Variants in RTN4IP1 observed in about 807,000 individuals in gnomAD.
RTN4IP1 encodes the protein reticulon 4 interacting protein 1.
In RTN4IP1, 32 loss-of-function variants were observed where a neutral mutation model predicts 46.6. That is an observed-to-expected ratio of 0.69 (90% CI 0.52 to 0.92). The LOEUF is 0.92. Ranked by LOEUF, RTN4IP1 falls within the 40% of genes least tolerant of loss-of-function variation. The pLI, the probability that RTN4IP1 is intolerant of heterozygous loss-of-function variation, is 0.00. For synonymous variants in RTN4IP1, 167 were observed against 161.8 expected (o/e 1.03, Z -0.24); for missense variants, 424 against 485.8 (o/e 0.87, Z 1.20).
At chr6:106,593,726 A>G (rs1264243351) in intron 5 of RTN4IP1, among the ~76,000 whole-genome samples, 2 of 152,248 alleles carry the variant, frequency 1.3e-5, no homozygotes, top group African/African-American at 4.8e-5. Flanking sequence ...TTAAAAAGCA[A>G]CATTGACCAA....
chr6:106,619,985 C>T (rs1179843237), intron 3 of RTN4IP1, among the ~76,000 whole-genome samples: 1 of 152,104 alleles, frequency 6.6e-6, no homozygotes, highest in Non-Finnish European at 1.5e-5. Context: ...ATAACATATT[C>T]TAGCTTCCCT....
At chr6:106,615,041 C>T (rs958193706) in intron 4 of RTN4IP1, among the ~76,000 whole-genome samples, 7 of 150,868 alleles carry the variant, frequency 4.6e-5, no homozygotes, top group Admixed American at 1.3e-4. Context: ...GCCAGAGCCT[C>T]CACTCTCACT....
intron 4 of RTN4IP1, among the ~76,000 whole-genome samples, chr6:106,604,871 T>A (rs756068572): frequency 2.6e-5 from 4 of 152,186 alleles, no homozygotes; most frequent in African/African-American, 4.8e-5. Context: ...CCTTATTACC[T>A]GCCCAGGTCT....
At chr6:106,629,973 C>T (rs1211716135), upstream of RTN4IP1, among the ~76,000 whole-genome samples, 1 of 151,856 alleles carries the variant, frequency 6.6e-6, no homozygotes, top group African/African-American at 2.4e-5. Context: ...TGGTGTAGGT[C>T]GGGATCCGGA....
intron 8 of RTN4IP1, among the ~76,000 whole-genome samples, chr6:106,581,512 C>G (rs2114626768): frequency 6.6e-6 from 1 of 152,290 alleles, no homozygotes; most frequent in South Asian, 2.1e-4. Context: ...GAGAGCTGGC[C>G]TCATCAAGGC....
chr6:106,585,161 A>C (rs1303924716), intron 7 of RTN4IP1, among the ~76,000 whole-genome samples: 1 of 152,220 alleles, frequency 6.6e-6, no homozygotes, highest in African/African-American at 2.4e-5. Context: ...GTTGAGATGC[A>C]CTGGTTTATG....
chr6:106,621,314 A>T, intron 3 of RTN4IP1, 111 bp downstream of exon 3: 1 of 781,952 alleles, frequency 1.3e-6, no homozygotes, highest in Non-Finnish European at 2.2e-6. Flanking sequence ...TTATCTTTTT[A>T]TAAACTGCCC....
chr6:106,613,321 A>C (rs1776275125), intron 4 of RTN4IP1, among the ~76,000 whole-genome samples: 1 of 152,140 alleles, frequency 6.6e-6, no homozygotes, highest in African/African-American at 2.4e-5. Context: ...AAGTCAACTC[A>C]CCTAAGCCAC....
At chr6:106,572,234 AG>A in intron 8 of RTN4IP1, 131 bp from the exon 9 acceptor site, 1 of 716,552 alleles carries the variant, frequency 1.4e-6, no homozygotes, top group Non-Finnish European at 2.4e-6. Context: ...CAGTGGACCC[AG>A]GTCAGGCTCT....
rs1776740560 is a variant in RTN4IP1 at position 106,629,160 on chromosome 6, T to C, written c.-139A>G. The C allele has an allele frequency of 1.4e-6, 1 of 732,358 alleles. No individual in the cohort carries two copies. The highest frequency in any genetic ancestry group is 2.2e-6 in the Non-Finnish European group (1 of 449,802). 45.4% of individuals were successfully genotyped at this position (732,358 alleles called of 1,614,324 possible). A position where few individuals can be genotyped will look rare whatever the true frequency, so the allele number is the denominator to read the frequency against. On this transcript the variant is annotated 5_prime_UTR_variant, in exon 1 of 9. Transcript: ENST00000369063. The stretch of plus-strand genomic sequence containing the variant: ...GCATGCAAAACGGAGCATTCGAAAA[T>C]GAAGCTAATCTAATGGAGAAACTGA...
chr6:106,616,697 C>T (rs1048833892), intron 4 of RTN4IP1, among the ~76,000 whole-genome samples: 4 of 152,130 alleles, frequency 2.6e-5, no homozygotes, highest in Non-Finnish European at 2.9e-5. Flanking sequence ...AGTTTAGGTA[C>T]AATAAAATCT....
chr6:106,630,471 T>C (rs544812194), upstream of RTN4IP1, among the ~76,000 whole-genome samples: 4 of 152,372 alleles, frequency 2.6e-5, no homozygotes, highest in Admixed American at 2.0e-4. Context: ...TCATTCTATC[T>C]TGCAGATATG....
chr6:106,619,769 G>A (rs1337098951), intron 3 of RTN4IP1, among the ~76,000 whole-genome samples: 7 of 149,210 alleles, frequency 4.7e-5, no homozygotes, highest in Non-Finnish European at 7.4e-5. Flanking sequence ...CCGCCACTGC[G>A]CCCAGCTAAT....
intron 7 of RTN4IP1, 115 bp from the exon 8 acceptor site, chr6:106,583,535 T>C: frequency 1.3e-6 from 1 of 789,372 alleles, no homozygotes; most frequent in Non-Finnish European, 2.1e-6. Flanking sequence ...TCTCATTTCA[T>C]GCTGACAAAA....
chr6:106,587,596 A>G, intron 7 of RTN4IP1, 83 bp downstream of exon 7: 1 of 1,312,956 alleles, frequency 7.6e-7, no homozygotes, highest in South Asian at 1.4e-5. Flanking sequence ...GGCCTCCAAG[A>G]GAAGAGAAAC....
At chr6:106,619,438 G>A in intron 3 of RTN4IP1, 112 bp from the exon 4 acceptor site, 1 of 1,272,970 alleles carries the variant, frequency 7.9e-7, no homozygotes. Context: ...ACAGGGGTTT[G>A]AATTGTGCAA....
chr6:106,573,265 C>A (rs568146872), intron 8 of RTN4IP1, among the ~76,000 whole-genome samples: 1 of 152,338 alleles, frequency 6.6e-6, no homozygotes, highest in East Asian at 1.9e-4. Flanking sequence ...ATCTCAGTGG[C>A]CTGCCTCCCA....
At chr6:106,594,700 A>G (rs1775741164) in intron 5 of RTN4IP1, among the ~76,000 whole-genome samples, 1 of 152,188 alleles carries the variant, frequency 6.6e-6, no homozygotes, top group African/African-American at 2.4e-5. Flanking sequence ...TTGCATTTCA[A>G]AAAGTTTATC....
intron 6 of RTN4IP1, among the ~76,000 whole-genome samples, chr6:106,591,800 TG>T (rs1465972167): frequency 6.6e-6 from 1 of 152,206 alleles, no homozygotes; most frequent in Non-Finnish European, 1.5e-5. Context: ...AAGTATGTTT[TG>T]GGCTAATCAT....
Sources: gnomAD v4.1 joint callset for allele counts (sites outside exome capture counted in the v4.1 genomes callset) on GRCh38, gnomAD v4.1.1 for gene constraint, MANE v1.5 for transcripts, NCBI Gene and HGNC (gene_info 2026-07-23, HGNC 2026-07-21) for gene names.